KLK15: variants seen among roughly 807,000 people sequenced by gnomAD.
KLK15 encodes kallikrein related peptidase 15, also known as kallikrein-15.
A neutral mutation model predicts 21.1 loss-of-function variants in KLK15; 19 were observed. That is an observed-to-expected ratio of 0.90 (90% CI 0.63 to 1.32). KLK15 has a LOEUF of 1.32. KLK15 is among the 40% of genes most tolerant of loss of function. The pLI is 0.00. For synonymous variants in KLK15, 141 were observed against 141.5 expected (o/e 1.00, Z 0.03); for missense variants, 345 against 348.6 (o/e 0.99, Z 0.08).
At chr19:50,831,629 A>T, upstream of KLK15, 2 of 613,642 alleles carry the variant, frequency 3.3e-6, no homozygotes, top group Non-Finnish European at 5.1e-6. Context: ...ATTTCTTCTG[A>T]CCACCGGTAT....
At chr19:50,826,743 T>G (rs1466815573) in exon 4 of KLK15, 1 of 1,612,398 alleles carries the variant, frequency 6.2e-7, no homozygotes, top group Non-Finnish European at 8.5e-7. Context: ...CAATGCAACG[T>G]ATCTGGGAGA....
At chr19:50,827,938 G>GC (rs2089913317) in intron 1 of KLK15, 123 bp from the exon 3 acceptor site, 7 of 801,518 alleles carry the variant, frequency 8.7e-6, no homozygotes, top group Non-Finnish European at 1.1e-5. Context: ...AAGACACCCT[G>GC]CCCTGTTTTT....
At chr19:50,831,462 G>C (rs941962903) in exon 1 of KLK15, 3 of 1,443,236 alleles carry the variant, frequency 2.1e-6, no homozygotes, top group African/African-American at 1.5e-5. Flanking sequence ...GTGGATGCCA[G>C]CAGGAAGGAG....
chr19:50,827,718 A>G (rs912766766), exon 2 of KLK15: 6 of 1,611,302 alleles, frequency 3.7e-6, no homozygotes, highest in Admixed American at 1.7e-5. Context: ...GGGAAGCGCC[A>G]CAGTTAAAGC....
intron 1 of KLK15, among the ~76,000 whole-genome samples, chr19:50,829,660 A>AT (rs2089947697): frequency 6.6e-6 from 1 of 151,600 alleles, no homozygotes; most frequent in Non-Finnish European, 1.5e-5. Context: ...AAATAAATAA[A>AT]AATACAAAAA....
intron 2 of KLK15, 85 bp from the exon 4 acceptor site, chr19:50,827,246 C>CAGAACGTTAATG (rs1555765365): frequency 1.7e-4 from 228 of 1,343,676 alleles, no homozygotes; most frequent in Middle Eastern, 2.6e-4. Flanking sequence ...AAAGAGTGGG[C>CAGAACGTTAATG]AACCCGAGGT....
chr19:50,826,912 G>A (rs766555695), exon 3 of KLK15: 3 of 1,578,298 alleles, frequency 1.9e-6, no homozygotes, highest in Middle Eastern at 1.7e-4. Context: ...TCCCAGGCTC[G>A]TTGTGGGACA....
upstream of KLK15, chr19:50,833,034 A>C (rs1184743045): frequency 6.6e-6 from 1 of 152,184 alleles, no homozygotes; most frequent in Non-Finnish European, 1.5e-5. Context: ...CCAACACCTA[A>C]CAGGTGTCTC....
At chr19:50,833,185 C>A (rs534280835), upstream of KLK15, 4 of 152,388 alleles carry the variant, frequency 2.6e-5, no homozygotes, top group African/African-American at 9.6e-5. Context: ...CTCAGCACTG[C>A]CCCACCTGGG....
At chr19:50,830,278 G>T (rs1270449289) in intron 1 of KLK15, among the ~76,000 whole-genome samples, 1 of 151,720 alleles carries the variant, frequency 6.6e-6, no homozygotes, top group Non-Finnish European at 1.5e-5. Flanking sequence ...TGCATCCCCT[G>T]AAGGTTGAAG....
intron 4 of KLK15, chr19:50,826,416 C>T (rs1211769215): frequency 1.5e-5 from 8 of 544,386 alleles, no homozygotes; most frequent in Non-Finnish European, 2.2e-5. Context: ...AACTAACTAT[C>T]ACATTATCCA....
upstream of KLK15, among the ~76,000 whole-genome samples, chr19:50,831,988 A>T (rs1384817678): frequency 1.4e-5 from 2 of 148,110 alleles, no homozygotes; most frequent in Admixed American, 6.7e-5. Context: ...ATTTTTTGGA[A>T]ATTTTTTTTT....
chr19:50,826,050 T>A, intron 4 of KLK15, 102 bp from the exon 6 acceptor site: 1 of 1,238,840 alleles, frequency 8.1e-7, no homozygotes, highest in Non-Finnish European at 1.1e-6. Flanking sequence ...TCCATCCCCA[T>A]CCCAGGGAAC....
chr19:50,828,601 C>T (rs1339000262), intron 1 of KLK15, among the ~76,000 whole-genome samples: 1 of 151,712 alleles, frequency 6.6e-6, no homozygotes, highest in African/African-American at 2.4e-5. Flanking sequence ...ATCCAGCTTC[C>T]ACACTTAGGT....
rs1259580762 is a variant in KLK15 at position 50,827,174 on chromosome 19, G to C, written c.198-13C>G. The stretch of plus-strand genomic sequence containing the variant: ...CACTCTCATGAAGCTGTGCGGGCGA[G>C]TGGTTTTCCCGCCAGTGGAGTGCGG... On this transcript the variant is annotated splice_polypyrimidine_tract_variant and intron_variant, in intron 2 of 4. Coordinates refer to ENST00000598239, the Ensembl canonical transcript of KLK15. The C allele has an allele frequency of 3.8e-6, 6 of 1,559,576 alleles. No individual in the cohort carries two copies. Among genetic ancestry groups the C allele is most frequent in the Admixed American group, 1.7e-5 (1 of 57,566 alleles).
chr19:50,831,589 A>T, upstream of KLK15: 1 of 961,604 alleles, frequency 1.0e-6, no homozygotes, highest in Non-Finnish European at 1.5e-6. Flanking sequence ...ATCCCTCCAG[A>T]CACAGACTTA....
At chr19:50,827,289 T>G in intron 2 of KLK15, 128 bp from the exon 4 acceptor site, 1 of 900,236 alleles carries the variant, frequency 1.1e-6, no homozygotes, top group Non-Finnish European at 1.6e-6. Flanking sequence ...GACATCCCAT[T>G]ACCTTTTCCC....
chr19:50,829,744 G>A lies in KLK15; in HGVS notation c.43+1706C>T, dbSNP rs570888308. On this transcript the variant is annotated intron_variant, in intron 1 of 4. Coordinates refer to ENST00000598239, the Ensembl canonical transcript of KLK15. ...CAGAGACAGAATTGCTTGAACCTGG[G>A]AGGCGGAGGTTGCAGTGAGCTGAGG... is the stretch of plus-strand genomic sequence containing the variant. Among the ~76,000 whole-genome samples the A allele has an allele frequency of 4.6e-5, 7 of 151,954 alleles. No individual in the cohort carries two copies. The South Asian group carries it at 1.2e-3, about 27-fold the overall frequency.
chr19:50,826,047 C>T (rs2089873835), intron 4 of KLK15, 99 bp from the exon 6 acceptor site: 1 of 1,260,014 alleles, frequency 7.9e-7, no homozygotes, highest in African/African-American at 1.5e-5. Context: ...CAATCCATCC[C>T]CATCCCAGGG....
Sources: gnomAD v4.1 joint callset for allele counts (sites outside exome capture counted in the v4.1 genomes callset) on GRCh38, gnomAD v4.1.1 for gene constraint, MANE v1.5 for transcripts, NCBI Gene and HGNC (gene_info 2026-07-23, HGNC 2026-07-21) for gene names.